Variants in KHDRBS2 observed in about 807,000 individuals in gnomAD.
KHDRBS2 encodes KH RNA binding domain containing, signal transduction associated 2, also known as KH domain-containing, RNA-binding, signal transduction-associated protein 2.
A neutral mutation model predicts 44.3 loss-of-function variants in KHDRBS2; 26 were observed. The observed-to-expected ratio is 0.59, with a 90% CI of 0.43 to 0.81. The LOEUF (loss-of-function observed/expected upper bound fraction) is 0.81. Ranked by LOEUF, KHDRBS2 falls within the 40% of genes least tolerant of loss-of-function variation. KHDRBS2 has a pLI of 0.00. For synonymous variants in KHDRBS2, 194 were observed against 151.1 expected (o/e 1.28, Z -2.08); for missense variants, 476 against 433.1 (o/e 1.10, Z -0.88).
intron 2 of KHDRBS2, among the ~76,000 whole-genome samples, chr6:62,142,470 A>G (rs1190944609): frequency 6.6e-6 from 1 of 152,070 alleles, no homozygotes; most frequent in African/African-American, 2.4e-5. Context: ...TCTTCTAAGT[A>G]TCAAACCACT....
At chr6:61,743,746 G>A (rs930080650) in intron 6 of KHDRBS2, among the ~76,000 whole-genome samples, 27 of 151,236 alleles carry the variant, frequency 1.8e-4, no homozygotes, top group Admixed American at 7.3e-4. Flanking sequence ...TCGTCATTTA[G>A]CATTAAGTAT....
At chr6:61,827,765 T>C (rs886152192) in intron 6 of KHDRBS2, among the ~76,000 whole-genome samples, 1 of 152,170 alleles carries the variant, frequency 6.6e-6, no homozygotes, top group African/African-American at 2.4e-5. Context: ...CTCACATGGC[T>C]AACAGAAAGA....
the KHDRBS2 span, among the ~76,000 whole-genome samples, chr6:61,543,408 C>T: frequency 2.0e-5 from 3 of 151,752 alleles, no homozygotes; most frequent in Non-Finnish European, 4.4e-5. Context: ...TCATCTCATC[C>T]CAGTTAAAAC....
At chr6:61,756,714 C>G (rs373894362) in intron 6 of KHDRBS2, among the ~76,000 whole-genome samples, 3 of 152,214 alleles carry the variant, frequency 2.0e-5, no homozygotes, top group African/African-American at 7.2e-5. Context: ...AGTAATTTCA[C>G]AGACATTTTT....
chr6:62,276,226 C>A (rs1338226733), intron 1 of KHDRBS2, among the ~76,000 whole-genome samples: 1 of 152,136 alleles, frequency 6.6e-6, no homozygotes, highest in African/African-American at 2.4e-5. Context: ...ATAACACCAG[C>A]CAATCTGTTT....
intron 6 of KHDRBS2, among the ~76,000 whole-genome samples, chr6:61,867,203 C>A (rs1347280334): frequency 6.6e-6 from 1 of 152,166 alleles, no homozygotes; most frequent in African/African-American, 2.4e-5. Flanking sequence ...CCAGGGGAGG[C>A]CTCATAATCA....
At chr6:62,134,250 G>A (rs1354126650) in intron 2 of KHDRBS2, among the ~76,000 whole-genome samples, 2 of 152,158 alleles carry the variant, frequency 1.3e-5, no homozygotes, top group Non-Finnish European at 2.9e-5. Flanking sequence ...CGCTGCTCTA[G>A]CCATAGCTAA....
chr6:61,564,375 G>GT, the KHDRBS2 span, among the ~76,000 whole-genome samples: 1 of 151,656 alleles, frequency 6.6e-6, no homozygotes. Context: ...AACTTTTCTT[G>GT]TTTTTTAAAA....
chr6:62,160,486 T>C (rs1358536449), intron 2 of KHDRBS2, among the ~76,000 whole-genome samples: 1 of 152,142 alleles, frequency 6.6e-6, no homozygotes, highest in African/African-American at 2.4e-5. Flanking sequence ...AACTTAGAGA[T>C]GGTAATGGGC....
intron 4 of KHDRBS2, among the ~76,000 whole-genome samples, chr6:61,970,590 A>C (rs372558245): frequency 4.9e-4 from 75 of 152,286 alleles, no homozygotes; most frequent in African/African-American, 1.8e-3. Context: ...GAACACATCG[A>C]AGAGTCCACT....
At chr6:61,961,632 G>T (rs1465835973) in intron 4 of KHDRBS2, among the ~76,000 whole-genome samples, 2 of 152,034 alleles carry the variant, frequency 1.3e-5, no homozygotes, top group Non-Finnish European at 2.9e-5. Context: ...GACTTGTGGG[G>T]AGGCTTTCAC....
At chr6:61,581,272 T>A in the KHDRBS2 span, among the ~76,000 whole-genome samples, 1 of 152,162 alleles carries the variant, frequency 6.6e-6, no homozygotes, top group Non-Finnish European at 1.5e-5. Context: ...ATGCTTGTGT[T>A]CTTTTTTTCT....
the KHDRBS2 span, among the ~76,000 whole-genome samples, chr6:61,554,717 C>A: frequency 6.6e-6 from 1 of 152,140 alleles, no homozygotes; most frequent in South Asian, 2.1e-4. Flanking sequence ...CAGCAAAATC[C>A]GATAGCATTT....
chr6:62,134,427 C>A (rs945316102), intron 2 of KHDRBS2, among the ~76,000 whole-genome samples: 1 of 152,180 alleles, frequency 6.6e-6, no homozygotes, highest in African/African-American at 2.4e-5. Flanking sequence ...CAGGCAGAAG[C>A]TTTCTGCAGG....
the KHDRBS2 span, chr6:61,661,439 T>C: frequency 2.0e-5 from 3 of 151,934 alleles, no homozygotes; most frequent in Non-Finnish European, 4.4e-5. Context: ...GGCATTCTCA[T>C]ATTGGATGTC....
the KHDRBS2 span, among the ~76,000 whole-genome samples, chr6:61,552,319 C>A: frequency 6.6e-6 from 1 of 151,894 alleles, no homozygotes. Context: ...AACTTGGATG[C>A]TGTTGGTGCA....
chr6:61,661,604 G>C, the KHDRBS2 span, among the ~76,000 whole-genome samples: 1 of 151,842 alleles, frequency 6.6e-6, no homozygotes, highest in Non-Finnish European at 1.5e-5. Context: ...TCTATGATCA[G>C]TCTCTCCTGA....
intron 4 of KHDRBS2, among the ~76,000 whole-genome samples, chr6:61,918,088 G>A (rs1807354584): frequency 6.6e-6 from 1 of 151,878 alleles, no homozygotes; most frequent in Admixed American, 6.6e-5. Context: ...CCCCATTTAT[G>A]GACTCAGAGG....
At chr6:61,584,281 G>C in the KHDRBS2 span, among the ~76,000 whole-genome samples, 1 of 151,742 alleles carries the variant, frequency 6.6e-6, no homozygotes, top group South Asian at 2.1e-4. Context: ...ATACAACCTT[G>C]TTTTGTTCCT....
Sources: allele counts gnomAD v4.1 joint callset (sites outside exome capture counted in the v4.1 genomes callset), GRCh38; gene constraint gnomAD v4.1.1; transcripts MANE v1.5; gene names NCBI Gene and HGNC (gene_info 2026-07-23, HGNC 2026-07-21).